The following CDK18 variants were observed in gnomAD, a reference collection of about 807,000 sequenced individuals.
CDK18 encodes cyclin-dependent kinase 18.
Under a neutral mutation model 62.0 loss-of-function variants are expected in CDK18, and 52 were observed. The observed-to-expected ratio is 0.84, with a 90% CI of 0.67 to 1.06. The LOEUF (loss-of-function observed/expected upper bound fraction) is 1.06. Ranked by LOEUF, CDK18 falls within the 50% of genes least tolerant of loss-of-function variation. The probability of loss-of-function intolerance (pLI) is 0.00; values close to 1 mark genes in which losing one functional copy is unlikely to be tolerated. For synonymous variants in CDK18, 237 were observed against 247.0 expected (o/e 0.96, Z 0.38); for missense variants, 604 against 619.9 (o/e 0.97, Z 0.27).
rs1667898573 is a variant in CDK18 at position 205,517,826 on chromosome 1, C to T, written c.-21-5321C>T. On this transcript the variant is annotated intron_variant, in intron 1 of 15. Transcript: ENST00000429964. This position sits in a 1 kb window ranked among gnomAD's most constrained non-coding sequence, Gnocchi z 4.1. ...CAGCAGCAGCCTCCTGCCCGGGCTCCCTGCTCTCCCCTTGCTCCCCTTGTC... is the reference window on the plus strand; with the variant it reads ...CAGCAGCAGCCTCCTGCCCGGGCTCTCTGCTCTCCCCTTGCTCCCCTTGTC... Among the ~76,000 whole-genome samples the T allele has an allele frequency of 6.6e-6, 1 of 152,080 alleles. No individual in the cohort carries two copies. The highest frequency in any genetic ancestry group is 2.4e-5 in the African/African-American group (1 of 41,380).
chr1:205,508,488 C>T (rs1261702088), intron 1 of CDK18, among the ~76,000 whole-genome samples: 5 of 152,220 alleles, frequency 3.3e-5, no homozygotes, highest in Non-Finnish European at 5.9e-5. Flanking sequence ...AAGCCGTGGG[C>T]GCATCTCCGC....
chr1:205,518,992 A>AC (rs1206636417), intron 1 of CDK18, among the ~76,000 whole-genome samples: 1 of 151,644 alleles, frequency 6.6e-6, no homozygotes, highest in East Asian at 1.9e-4. Flanking sequence ...AACTTCCTCC[A>AC]CCCCCCACTG....
intron 13 of CDK18, chr1:205,529,864 G>C: frequency 1.5e-6 from 2 of 1,337,900 alleles, no homozygotes; most frequent in South Asian, 3.0e-5. Flanking sequence ...TAAGATGGCC[G>C]TGAGGATACA....
Position 205,507,468 on chromosome 1 carries a change from G to GA in CDK18, c.-22+2686dup, listed in dbSNP as rs34442874. On this transcript the variant is annotated intron_variant, in intron 1 of 15. Coordinates refer to ENST00000429964, the MANE Select transcript of CDK18 (RefSeq NM_212502.3). ...AACATGGTGAAACCCCATCTCTACT[G>GA]AAAAAAAAAAAAAAGCACAAAATTA... is the stretch of plus-strand genomic sequence containing the variant. Among the ~76,000 whole-genome samples the GA allele has an allele frequency of 1.2e-3, 157 of 134,184 alleles. 1 individual carries two copies. Among genetic ancestry groups the GA allele is most frequent in the South Asian group, 1.7e-3 (7 of 4,182 alleles). The allele number at this position is 134,184 out of a possible 152,430, so 88.0% of individuals were successfully genotyped here. A position where few individuals can be genotyped will look rare whatever the true frequency, so the allele number is the denominator to read the frequency against.
chr1:205,530,736 C>G (rs772405715), intron 15 of CDK18, 31 bp downstream of exon 15: 13 of 1,589,396 alleles, frequency 8.2e-6, no homozygotes. Context: ...GGACCCCTCC[C>G]CTTGTTAGTG....
At chr1:205,514,467 C>G (rs12127944) in intron 1 of CDK18, among the ~76,000 whole-genome samples, 9,442 of 152,198 alleles carry the variant, frequency 0.062, 401 homozygotes, top group Non-Finnish European at 0.09. Flanking sequence ...CAATCATGCT[C>G]AAGTCTAACT....
intron 1 of CDK18, among the ~76,000 whole-genome samples, chr1:205,508,975 C>T (rs896997156): frequency 6.6e-6 from 1 of 151,776 alleles, no homozygotes; most frequent in African/African-American, 2.4e-5. Flanking sequence ...ATGATGAAAC[C>T]CTGTTTCTCC....
chr1:205,524,184 T>C, intron 3 of CDK18, 48 bp from the exon 4 acceptor site: 1 of 1,613,158 alleles, frequency 6.2e-7, no homozygotes, highest in Non-Finnish European at 8.5e-7. Flanking sequence ...CAGCCCTAGC[T>C]ACCCTGAAAC....
intron 1 of CDK18, among the ~76,000 whole-genome samples, chr1:205,508,672 C>T (rs1244156146): frequency 6.6e-6 from 1 of 152,058 alleles, no homozygotes; most frequent in Non-Finnish European, 1.5e-5. Context: ...TGGCAAGACC[C>T]CATCTCTAAA....
intron 4 of CDK18, among the ~76,000 whole-genome samples, 197 bp from the exon 5 acceptor site, chr1:205,524,942 C>T (rs575102898): frequency 6.6e-6 from 1 of 152,196 alleles, no homozygotes; most frequent in Non-Finnish European, 1.5e-5. Context: ...GGGCTCTACA[C>T]TCTTGGCTGT....
chr1:205,522,984 C>T, intron 1 of CDK18, 163 bp from the exon 2 acceptor site: 1 of 682,034 alleles, frequency 1.5e-6, no homozygotes, highest in East Asian at 2.8e-5. Context: ...TGAACACCCA[C>T]CCTCAGAGGG....
rs192063300 is a variant in CDK18, at chr1:205,508,742, G to C, written c.-22+3946G>C. Among the ~76,000 whole-genome samples the C allele has an allele frequency of 7.2e-5, 11 of 152,304 alleles. No individual in the cohort carries two copies. In the East Asian group the frequency reaches 1.9e-3, roughly 27 times the overall value. On this transcript the variant is annotated intron_variant, in intron 1 of 15. Coordinates refer to ENST00000429964, the MANE Select transcript of CDK18 (RefSeq NM_212502.3). The stretch of plus-strand genomic sequence containing the variant: ...GCCTGTAGTCCCAGCTACTCGGGAG[G>C]CTGAGAGGGGAGGATCGCTTGAGCC...
At chr1:205,525,330 A>C (rs1264059276) in intron 5 of CDK18, 135 bp downstream of exon 5, 4 of 573,802 alleles carry the variant, frequency 7.0e-6, no homozygotes, top group Non-Finnish European at 1.3e-5. Context: ...ATAGAGGTGC[A>C]CAGTCTTGGC....
At chr1:205,523,119 A>G in intron 1 of CDK18, 28 bp from the exon 2 acceptor site, 1 of 1,560,942 alleles carries the variant, frequency 6.4e-7, no homozygotes, top group East Asian at 2.3e-5. Context: ...GTTCTTTTCA[A>G]CTGCTCTTCT....
intron 1 of CDK18, chr1:205,522,935 G>A (rs942690324): frequency 5.4e-6 from 3 of 552,200 alleles, no homozygotes; most frequent in Non-Finnish European, 9.6e-6. Context: ...GCAGTGCTGA[G>A]GGTCACTGGG....
At chr1:205,526,027 C>A in intron 5 of CDK18, 38 bp from the exon 6 acceptor site, 1 of 1,498,084 alleles carries the variant, frequency 6.7e-7, no homozygotes, top group East Asian at 2.3e-5. Flanking sequence ...CCAGCAGCAC[C>A]TGAATGCGCC....
chr1:205,515,661 A>G (rs1370928156), intron 1 of CDK18, among the ~76,000 whole-genome samples: 1 of 152,134 alleles, frequency 6.6e-6, no homozygotes, highest in Non-Finnish European at 1.5e-5. Context: ...ATGACACCAA[A>G]CTGCAGAGAA....
intron 1 of CDK18, among the ~76,000 whole-genome samples, chr1:205,507,179 C>G (rs1667347926): frequency 6.6e-6 from 1 of 152,180 alleles, no homozygotes; most frequent in Admixed American, 6.5e-5. Context: ...TCTTCTCTAA[C>G]TGAGCTTGAG....
At chr1:205,527,000 G>A in intron 8 of CDK18, 163 bp downstream of exon 8, 1 of 630,724 alleles carries the variant, frequency 1.6e-6, no homozygotes, top group Non-Finnish European at 2.9e-6. Flanking sequence ...TCCAGGAACT[G>A]GGTTGAGCGC....
Sources: allele counts gnomAD v4.1 joint callset (sites outside exome capture counted in the v4.1 genomes callset), GRCh38; gene constraint gnomAD v4.1.1; non-coding constraint Gnocchi (gnomAD v3.1); transcripts MANE v1.5; gene names NCBI Gene and HGNC (gene_info 2026-07-23, HGNC 2026-07-21).